C5orf15: variants seen among roughly 807,000 people sequenced by gnomAD.
C5orf15 encodes the protein keratinocyte-associated transmembrane protein 2.
C5orf15 carries 10 observed loss-of-function variants against 17.8 expected under a neutral mutation model. The observed-to-expected ratio is 0.56, with a 90% confidence interval of 0.35 to 0.95. C5orf15 has a LOEUF of 0.95. Among genes scored for constraint, C5orf15 ranks in the 40% least tolerant of loss-of-function variants. The pLI is 0.02. For missense variants in C5orf15, 319 were observed against 331.7 expected (o/e 0.96, Z 0.30); for synonymous variants, 124 against 131.0 (o/e 0.95, Z 0.36).
At chr5:133,965,845 A>G (rs1752183287) in intron 1 of C5orf15, among the ~76,000 whole-genome samples, 1 of 152,200 alleles carries the variant, frequency 6.6e-6, no homozygotes, top group Admixed American at 6.5e-5. Context: ...GGACTGCTTG[A>G]GCCCAGGAGG....
chr5:133,956,843 T>C lies in C5orf15; in HGVS notation c.*16A>G. On this transcript the variant is annotated 3_prime_UTR_variant, in exon 3 of 3. Coordinates refer to ENST00000231512, the MANE Select transcript of C5orf15 (RefSeq NM_020199.3). Reference sequence around the variant, plus strand: ...AAGCAAATAAAATTACATAAGCAAATTCAAATCACAGTGCTTTAAAAAATA... The same window carrying C: ...AAGCAAATAAAATTACATAAGCAAACTCAAATCACAGTGCTTTAAAAAATA... 8.3e-6 allele frequency: 13 copies of C among 1,572,884 alleles called. No homozygotes were observed. The highest frequency in any genetic ancestry group is 1.0e-5 in the Non-Finnish European group (12 of 1,165,624).
Position 133,956,144 on chromosome 5 carries a change from TA to T in C5orf15, c.*714del, listed in dbSNP as rs1752040159. 1 of 152,658 alleles carries T rather than the reference TA, an allele frequency of 6.6e-6. No homozygotes were observed. Among genetic ancestry groups the T allele is most frequent in the Non-Finnish European group, 1.5e-5 (1 of 68,028 alleles). The allele number at this position is 152,658 out of a possible 1,614,324, so 9.5% of individuals were successfully genotyped here. A position where few individuals can be genotyped will look rare whatever the true frequency, so the allele number is the denominator to read the frequency against. On this transcript the variant is annotated 3_prime_UTR_variant, in exon 3 of 3. Coordinates refer to ENST00000231512, the MANE Select transcript of C5orf15 (RefSeq NM_020199.3). ...ACCCATGCTACAATCAATTGCTAAC[TA>T]AAAGCAATTGTACATGTATTTAACA... is the stretch of plus-strand genomic sequence containing the variant.
intron 1 of C5orf15, among the ~76,000 whole-genome samples, chr5:133,965,371 A>G (rs1752177556): frequency 1.3e-5 from 2 of 152,204 alleles, no homozygotes; most frequent in African/African-American, 4.8e-5. Flanking sequence ...AAGCAGTAAA[A>G]TCTTGGAAGT....
In C5orf15 at chr5:133,956,860, TA is replaced by T; in HGVS notation, c.796del (p.Ter266LysfsTer4). The part of the protein sequence containing the change: ...SLKITNDYIF[*>X] ...TAAGCAAATTCAAATCACAGTGCTT[TA>T]AAAAATATAATCATTGGTAATCTTC... On this transcript the variant is annotated frameshift_variant and stop_lost, in exon 3 of 3. Transcript: ENST00000231512. LOFTEE classifies it high-confidence loss of function. 2 of 1,582,710 alleles carry T rather than the reference TA, an allele frequency of 1.3e-6. No individual in the cohort carries two copies. The highest frequency in any genetic ancestry group is 1.2e-5 in the South Asian group (1 of 83,800).
Position 133,956,665 on chromosome 5 carries a change from C to A in C5orf15, c.*194G>T. The A allele has an allele frequency of 2.6e-6, 1 of 388,600 alleles. No homozygotes were observed. Among genetic ancestry groups the A allele is most frequent in the Non-Finnish European group, 4.4e-6 (1 of 225,134 alleles). The allele number at this position is 388,600 out of a possible 1,614,324, so 24.1% of individuals were successfully genotyped here. On this transcript the variant is annotated 3_prime_UTR_variant, in exon 3 of 3. Transcript: ENST00000231512. The stretch of plus-strand genomic sequence containing the variant: ...AATGTTTAACTCACATTTTGGACAC[C>A]TGATTAAACTCAGCTCTAAAAGTAC...
Position 133,968,467 on chromosome 5 carries a change from C to G in C5orf15, c.118G>C (p.Val40Leu). 1.9e-6 allele frequency: 3 copies of G among 1,604,394 alleles called. No homozygotes were observed. Among genetic ancestry groups the G allele is most frequent in the Non-Finnish European group, 2.6e-6 (3 of 1,176,010 alleles). ...TTACCACTGGATAGAGCGGCGGACACAAGCAGGAGCGCCAAGACCAGCGGC... is the reference window on the plus strand; with the variant it reads ...TTACCACTGGATAGAGCGGCGGACAGAAGCAGGAGCGCCAAGACCAGCGGC... ...ARPLVLALLL[V>L]SAALSSVVSR... is the part of the protein sequence containing the mutation. The change falls in exon 1 of 3, where the codon GTG becomes CTG. Residue 40 changes from valine to leucine, a missense_variant. Coordinates refer to ENST00000231512, the MANE Select transcript of C5orf15 (RefSeq NM_020199.3).
In C5orf15 at chr5:133,959,794, A is replaced by G; in HGVS notation, c.366T>C (p.Pro122=). 1 of 1,614,140 alleles carries G rather than the reference A, an allele frequency of 6.2e-7. No individual in the cohort carries two copies. Among genetic ancestry groups the G allele is most frequent in the Middle Eastern group, 1.6e-4 (1 of 6,062 alleles). ...SQEEADNNED[P]SIEEEDLLML... is the part of the protein sequence containing the mutation. Reference sequence around the variant, plus strand: ...TGAGAAGATCCTCCTCCTCTATACTAGGATCTTCATTGTTATCAGCTTCCT... The same window carrying G: ...TGAGAAGATCCTCCTCCTCTATACTGGGATCTTCATTGTTATCAGCTTCCT... Residue 122 remains proline (P), a synonymous_variant, in exon 2 of 3, where the codon CCT becomes CCC. Coordinates refer to ENST00000231512, the MANE Select transcript of C5orf15 (RefSeq NM_020199.3).
chr5:133,966,521 C>T (rs1404471727), intron 1 of C5orf15, among the ~76,000 whole-genome samples: 1 of 152,102 alleles, frequency 6.6e-6, no homozygotes, highest in Non-Finnish European at 1.5e-5. Flanking sequence ...TAGACTTGAT[C>T]AAAACAAAAA....
chr5:133,961,405 G>A (rs1169080221), intron 1 of C5orf15, among the ~76,000 whole-genome samples: 1 of 151,788 alleles, frequency 6.6e-6, no homozygotes, highest in African/African-American at 2.4e-5. Context: ...AATTAGCCAG[G>A]CATGGTGGCA....
intron 2 of C5orf15, among the ~76,000 whole-genome samples, chr5:133,957,313 T>C (rs75380473): frequency 7.1e-4 from 106 of 149,398 alleles, no homozygotes; most frequent in African/African-American, 2.5e-3. Context: ...CAGTAAGCCA[T>C]GACAGCACCA....
chr5:133,956,514 C>A lies in C5orf15; in HGVS notation c.*345G>T, dbSNP rs1752044773. The A allele has an allele frequency of 6.2e-6, 1 of 162,406 alleles. No homozygotes were observed. Among genetic ancestry groups the A allele is most frequent in the Admixed American group, 6.5e-5 (1 of 15,344 alleles). The allele number at this position is 162,406 out of a possible 1,614,324, so 10.1% of individuals were successfully genotyped here. ...TGAATGGCGGAGAATGAATGTGAGT[C>A]AGCAGTAACAGATATGTCAGAATTT... On this transcript the variant is annotated 3_prime_UTR_variant, in exon 3 of 3. Coordinates refer to ENST00000231512, the MANE Select transcript of C5orf15 (RefSeq NM_020199.3).
rs777169419 is a variant in C5orf15, at chr5:133,959,760, T to C, written c.400A>G (p.Ser134Gly). The C allele has an allele frequency of 7.0e-5, 113 of 1,614,056 alleles. No individual in the cohort carries two copies. The highest frequency in any genetic ancestry group is 9.4e-5 in the Non-Finnish European group (111 of 1,180,026). Reference sequence around the variant, plus strand: ...GTGTCTTTGGCTGTGGATGGAGAACTGTTCAGCATGAGAAGATCCTCCTCC... The same window carrying C: ...GTGTCTTTGGCTGTGGATGGAGAACCGTTCAGCATGAGAAGATCCTCCTCC... ...IEEEDLLMLN[S>G]SPSTAKDTLD... Residue 134 changes from serine (S) to glycine (G), a missense_variant, in exon 2 of 3, where the codon AGT becomes GGT. Physicochemically the swap from Ser to Gly is moderately conservative, Grantham distance 56. Coordinates refer to ENST00000231512, the MANE Select transcript of C5orf15 (RefSeq NM_020199.3).
At chr5:133,959,403 GCA>G (rs1752084686) in intron 2 of C5orf15, 89 bp downstream of exon 2, 4 of 446,252 alleles carry the variant, frequency 9.0e-6, no homozygotes, top group Admixed American at 9.8e-5. Flanking sequence ...ACTTTTTTTT[GCA>G]AAAAAAAAAA....
intron 1 of C5orf15, among the ~76,000 whole-genome samples, chr5:133,961,002 C>CA (rs1752114662): frequency 6.6e-6 from 1 of 151,288 alleles, no homozygotes; most frequent in African/African-American, 2.4e-5. Flanking sequence ...AAGTCTATCA[C>CA]ATTAAAGTAA....
rs1438785665 is a variant in C5orf15 at position 133,959,651 on chromosome 5, T to A, written c.509A>T (p.Glu170Val). ...AATTTCCATGTAACCCCTGTTTTCTTCCAAGGTGTCATCAGACTCGTCGTC... is the reference window on the plus strand; with the variant it reads ...AATTTCCATGTAACCCCTGTTTTCTACCAAGGTGTCATCAGACTCGTCGTC... ...RDDDESDDTLEENRGYMEIEQ... is the reference protein window; with the variant it reads ...RDDDESDDTLVENRGYMEIEQ... The change falls in exon 2 of 3, where the codon GAA becomes GTA. Residue 170 changes from glutamate to valine, a missense_variant. Transcript: ENST00000231512. 1 of 1,613,600 alleles carries A rather than the reference T, an allele frequency of 6.2e-7. No homozygotes were observed. Among genetic ancestry groups the A allele is most frequent in the Non-Finnish European group, 8.5e-7 (1 of 1,179,926 alleles).
chr5:133,966,805 C>T (rs537501175), intron 1 of C5orf15, among the ~76,000 whole-genome samples: 23 of 152,144 alleles, frequency 1.5e-4, no homozygotes, highest in Non-Finnish European at 2.8e-4. Flanking sequence ...CATGTATGTT[C>T]GTTTTCATTT....
chr5:133,964,517 G>A (rs1002785647), intron 1 of C5orf15, among the ~76,000 whole-genome samples: 3 of 152,130 alleles, frequency 2.0e-5, no homozygotes, highest in Admixed American at 6.5e-5. Context: ...TATCCTGGTC[G>A]TGATATTGCA....
chr5:133,968,282 G>A (rs1752225400), intron 1 of C5orf15, among the ~76,000 whole-genome samples, 164 bp downstream of exon 1: 1 of 151,958 alleles, frequency 6.6e-6, no homozygotes, highest in African/African-American at 2.4e-5. Context: ...GACCCCTTCA[G>A]ACACCATACC....
intron 1 of C5orf15, among the ~76,000 whole-genome samples, chr5:133,964,794 C>T (rs751160491): frequency 2.6e-5 from 4 of 152,148 alleles, no homozygotes; most frequent in Non-Finnish European, 5.9e-5. Flanking sequence ...GTTATTCTGA[C>T]ATATGCAGCA....
Sources: gnomAD v4.1 joint callset for allele counts (sites outside exome capture counted in the v4.1 genomes callset) on GRCh38, gnomAD v4.1.1 for gene constraint, MANE v1.5 for transcripts, NCBI Gene and HGNC (gene_info 2026-07-23, HGNC 2026-07-21) for gene names.